The following STAM variants were observed in gnomAD, a reference collection of about 807,000 sequenced individuals.
STAM encodes signal transducing adapter molecule 1.
Under a neutral mutation model 63.4 loss-of-function variants are expected in STAM, and 16 were observed. That is an observed-to-expected ratio of 0.25 (90% CI 0.17 to 0.38). The LOEUF (loss-of-function observed/expected upper bound fraction) is 0.38, where lower values mean the gene tolerates loss of function less well. Ranked by LOEUF, STAM falls within the 10% of genes least tolerant of loss-of-function variation. STAM has a pLI of 1.00. For synonymous variants in STAM, 238 were observed against 223.9 expected (o/e 1.06, Z -0.56); for missense variants, 636 against 657.1 (o/e 0.97, Z 0.35).
chr10:17,657,324 G>A (rs1833981295), intron 1 of STAM, among the ~76,000 whole-genome samples: 1 of 152,282 alleles, frequency 6.6e-6, no homozygotes, highest in East Asian at 1.9e-4. Flanking sequence ...CCTAGTGGGT[G>A]TGGGAGAACC....
chr10:17,702,397 CTGT>C (rs1330443071), intron 9 of STAM, among the ~76,000 whole-genome samples: 1 of 152,062 alleles, frequency 6.6e-6, no homozygotes, highest in Non-Finnish European at 1.5e-5. Context: ...ATGACAGAGA[CTGT>C]TGTTTGAATG....
intron 1 of STAM, among the ~76,000 whole-genome samples, chr10:17,645,937 C>G (rs1223696329): frequency 2.0e-5 from 3 of 152,324 alleles, no homozygotes; most frequent in Admixed American, 6.5e-5. Context: ...TAGCTAGCAA[C>G]TACCCAATCA....
intron 7 of STAM, 42 bp from the exon 8 acceptor site, chr10:17,696,733 A>G (rs1554827541): frequency 4.3e-6 from 6 of 1,389,882 alleles, no homozygotes; most frequent in Non-Finnish European, 4.1e-6. Context: ...ACAGAAATAA[A>G]TACATTTGTT....
At chr10:17,698,099 A>G (rs1038569672) in intron 8 of STAM, among the ~76,000 whole-genome samples, 2 of 152,186 alleles carry the variant, frequency 1.3e-5, no homozygotes, top group Non-Finnish European at 2.9e-5. Context: ...ACAGCAAACC[A>G]GAAATTACAG....
intron 1 of STAM, among the ~76,000 whole-genome samples, chr10:17,656,862 G>A (rs1251815596): frequency 1.3e-5 from 2 of 152,180 alleles, no homozygotes; most frequent in African/African-American, 4.8e-5. Flanking sequence ...AGTGCCCTTG[G>A]AAGAAATCCA....
At chr10:17,657,220 T>A (rs1324017731) in intron 1 of STAM, among the ~76,000 whole-genome samples, 1 of 152,168 alleles carries the variant, frequency 6.6e-6, no homozygotes, top group Non-Finnish European at 1.5e-5. Context: ...GTTTAACACT[T>A]GTGGACTGTT....
intron 2 of STAM, among the ~76,000 whole-genome samples, chr10:17,673,788 C>T (rs969797878): frequency 6.6e-6 from 1 of 152,248 alleles, no homozygotes; most frequent in Admixed American, 6.5e-5. Flanking sequence ...AGCACAGCAT[C>T]TAACACAAAG....
chr10:17,656,293 TAAAAAAAAAAAA>T (rs34558527), intron 1 of STAM, among the ~76,000 whole-genome samples: 1 of 127,906 alleles, frequency 7.8e-6, no homozygotes, highest in African/African-American at 2.9e-5. Context: ...GACTCCGTCT[TAAAAAAAAAAAA>T]AAAAAAAAAG....
intron 2 of STAM, among the ~76,000 whole-genome samples, chr10:17,683,440 G>C (rs1452867069): frequency 6.6e-6 from 1 of 152,122 alleles, no homozygotes; most frequent in Non-Finnish European, 1.5e-5. Context: ...GGAATTATAG[G>C]TGTGAGCTGC....
chr10:17,691,010 A>C lies in STAM; in HGVS notation c.445-2212A>C, dbSNP rs116222997. On this transcript the variant is annotated intron_variant, in intron 5 of 13. Transcript: ENST00000377524. ...TTTCTTCACACACCATAAAAGTTCA[A>C]ATCTGTCTAATTGTGAAGTTTGCCA... 1.8e-3 allele frequency among the ~76,000 whole-genome samples: 279 copies of C among 152,356 alleles called. 1 individual carries two copies. Among genetic ancestry groups the C allele is most frequent in the African/African-American group, 5.7e-3 (238 of 41,578 alleles).
At chr10:17,695,005 G>A (rs782127899) in intron 6 of STAM, 44 bp from the exon 7 acceptor site, 7 of 1,575,204 alleles carry the variant, frequency 4.4e-6, no homozygotes, top group Non-Finnish European at 1.7e-6. Flanking sequence ...CAGACTGTTG[G>A]ATATAATAAC....
In STAM at chr10:17,654,038, C is replaced by G. The variant is rs1159871743; in HGVS notation, c.41-6426C>G. ...TGCCTGGGGACCCCAGAGCTTGTGTCTGAGGTTTGAAGTGAAGGGAGTCTT... is the reference window on the plus strand; with the variant it reads ...TGCCTGGGGACCCCAGAGCTTGTGTGTGAGGTTTGAAGTGAAGGGAGTCTT... On this transcript the variant is annotated intron_variant, in intron 1 of 13. Coordinates refer to ENST00000377524, the MANE Select transcript of STAM (RefSeq NM_003473.4). 3.3e-5 allele frequency among the ~76,000 whole-genome samples: 5 copies of G among 152,244 alleles called. No homozygotes were observed. In the East Asian group the frequency reaches 5.8e-4, roughly 18 times the overall value.
At chr10:17,699,324 C>T (rs1835891778) in intron 8 of STAM, among the ~76,000 whole-genome samples, 1 of 152,088 alleles carries the variant, frequency 6.6e-6, no homozygotes, top group South Asian at 2.1e-4. Context: ...CCTTAAATTG[C>T]CCCCTCCTGT....
At chr10:17,662,391 C>G (rs995638171) in intron 2 of STAM, among the ~76,000 whole-genome samples, 2 of 152,150 alleles carry the variant, frequency 1.3e-5, no homozygotes, top group African/African-American at 2.4e-5. Context: ...ACCACTTCTT[C>G]CACAAAGCCT....
Position 17,708,713 on chromosome 10 carries a change from A to G in STAM, c.1210-63A>G, listed in dbSNP as rs1424528649. On this transcript the variant is annotated intron_variant, in intron 12 of 13. Transcript: ENST00000377524. ...TTTTTGTAACTGAATACCTCTACAG[A>G]GAAAGTTCAGTATGCTTATTAAAAT... 5 of 1,467,140 alleles carry G rather than the reference A, an allele frequency of 3.4e-6. No homozygotes were observed. The African/African-American group carries it at 6.9e-5, about 20-fold the overall frequency. 90.9% of individuals were successfully genotyped at this position (1,467,140 alleles called of 1,614,324 possible). A position where few individuals can be genotyped will look rare whatever the true frequency, so the allele number is the denominator to read the frequency against.
At chr10:17,670,234 C>G (rs1253272976) in intron 2 of STAM, among the ~76,000 whole-genome samples, 1 of 152,044 alleles carries the variant, frequency 6.6e-6, no homozygotes, top group Non-Finnish European at 1.5e-5. Context: ...AATGATTTTA[C>G]TTTTTTATTT....
chr10:17,669,884 C>CTTTTTTTTTTTTT (rs76381388), intron 2 of STAM, among the ~76,000 whole-genome samples: 444 of 120,736 alleles, frequency 3.7e-3, no homozygotes, highest in Middle Eastern at 0.011. Flanking sequence ...CTTTTCTTTT[C>CTTTTTTTTTTTTT]TTTTTTTTTT....
At chr10:17,672,275 T>C (rs1283628266) in intron 2 of STAM, among the ~76,000 whole-genome samples, 21 of 152,206 alleles carry the variant, frequency 1.4e-4, no homozygotes, top group African/African-American at 4.8e-4. Flanking sequence ...TATAGTGACA[T>C]TGTTGAAAAC....
In STAM at chr10:17,704,537, C is replaced by T. The variant is rs1836166777; in HGVS notation, c.1000+19C>T. 1.2e-6 allele frequency: 2 copies of T among 1,602,614 alleles called. No homozygotes were observed. The highest frequency in any genetic ancestry group is 1.7e-6 in the Non-Finnish European group (2 of 1,169,836). On this transcript the variant is annotated intron_variant, in intron 10 of 13. Transcript: ENST00000377524. ...CTTGAAGGTAAAACTTTTCTATTTA[C>T]CTTGCAAATAAAGAGTAGTTAGAGG...
Sources: allele counts gnomAD v4.1 joint callset (sites outside exome capture counted in the v4.1 genomes callset), GRCh38; gene constraint gnomAD v4.1.1; transcripts MANE v1.5; gene names NCBI Gene and HGNC (gene_info 2026-07-23, HGNC 2026-07-21).